FAM81B: variants seen among roughly 807,000 people sequenced by gnomAD.
FAM81B encodes family with sequence similarity 81 member B.
In FAM81B, 60 loss-of-function variants were observed where a neutral mutation model predicts 58.7. The observed-to-expected ratio is 1.02, with a 90% CI of 0.83 to 1.27. The LOEUF (loss-of-function observed/expected upper bound fraction) is 1.27. FAM81B is among the 50% of genes most tolerant of loss of function. The pLI is 0.00. For missense variants in FAM81B, 491 were observed against 522.0 expected (o/e 0.94, Z 0.58); for synonymous variants, 189 against 179.6 (o/e 1.05, Z -0.42).
chr5:95,426,771 G>A (rs955288017), intron 5 of FAM81B, among the ~76,000 whole-genome samples: 1 of 152,124 alleles, frequency 6.6e-6, no homozygotes, highest in African/African-American at 2.4e-5. Flanking sequence ...GTCCCAGGCC[G>A]GGCGCGGTGG....
intron 5 of FAM81B, among the ~76,000 whole-genome samples, chr5:95,426,966 G>A (rs1296037483): frequency 2.0e-5 from 3 of 152,116 alleles, no homozygotes; most frequent in Admixed American, 6.5e-5. Context: ...GGAGAATGGC[G>A]TGAACCTGGG....
chr5:95,446,819 T>A, intron 8 of FAM81B, 122 bp downstream of exon 8: 1 of 1,280,820 alleles, frequency 7.8e-7, no homozygotes, highest in Non-Finnish European at 1.1e-6. Context: ...TAACTTTTTT[T>A]TTTTTAAACA....
At chr5:95,402,545 A>G (rs1292819567) in intron 3 of FAM81B, among the ~76,000 whole-genome samples, 1 of 152,202 alleles carries the variant, frequency 6.6e-6, no homozygotes, top group African/African-American at 2.4e-5. Flanking sequence ...ACAGTCCAGC[A>G]TTTGCATCCC....
intron 7 of FAM81B, among the ~76,000 whole-genome samples, chr5:95,437,776 TTC>T (rs1491019865): frequency 6.6e-6 from 1 of 152,018 alleles, no homozygotes; most frequent in African/African-American, 2.4e-5. Context: ...CTCCCTTTTT[TTC>T]TTTTTTTAAA....
chr5:95,406,080 A>G (rs1484607769), intron 3 of FAM81B: 2 of 154,306 alleles, frequency 1.3e-5, no homozygotes, highest in African/African-American at 4.8e-5. Context: ...GAAGAAGAGC[A>G]GACTTATGTT....
Position 95,429,556 on chromosome 5 carries a change from TTACTC to T in FAM81B, c.786+827_786+831del, listed in dbSNP as rs760230442. Among the ~76,000 whole-genome samples, 2 of 152,290 alleles carry T rather than the reference TTACTC, an allele frequency of 1.3e-5. 1 individual carries two copies. Among genetic ancestry groups the T allele is most frequent in the Non-Finnish European group, 2.9e-5 (2 of 68,008 alleles). ...GAGCAGGTGTTACTGAGCACATAGT[TTACTC>T]TAGTCCCATCTGGCTCTCCTTATCT... On this transcript the variant is annotated intron_variant, in intron 6 of 9. Coordinates refer to ENST00000283357, the MANE Select transcript of FAM81B (RefSeq NM_152548.3).
chr5:95,435,550 A>C (rs1745066674), intron 6 of FAM81B, among the ~76,000 whole-genome samples: 1 of 152,178 alleles, frequency 6.6e-6, no homozygotes, highest in Non-Finnish European at 1.5e-5. Flanking sequence ...ATCATTATTT[A>C]TATTTTACTT....
At chr5:95,439,160 GTAT>G (rs1288536613) in intron 7 of FAM81B, among the ~76,000 whole-genome samples, 1 of 145,064 alleles carries the variant, frequency 6.9e-6, no homozygotes, top group Admixed American at 6.9e-5. Flanking sequence ...AACAAAAAAA[GTAT>G]TATGTGTATA....
At chr5:95,431,265 CA>C (rs1744876984) in intron 6 of FAM81B, among the ~76,000 whole-genome samples, 1 of 152,064 alleles carries the variant, frequency 6.6e-6, no homozygotes, top group Non-Finnish European at 1.5e-5. Flanking sequence ...AAGAATTCTT[CA>C]TATCTCTTCA....
intron 6 of FAM81B, among the ~76,000 whole-genome samples, chr5:95,434,378 T>A (rs1745019967): frequency 6.6e-6 from 1 of 152,178 alleles, no homozygotes; most frequent in Non-Finnish European, 1.5e-5. Flanking sequence ...ATGTGGCCTT[T>A]CTCCAGCAAC....
At chr5:95,425,127 A>G (rs1762789011) in intron 5 of FAM81B, among the ~76,000 whole-genome samples, 1 of 152,016 alleles carries the variant, frequency 6.6e-6, no homozygotes, top group South Asian at 2.1e-4. Context: ...AACTCATCCA[A>G]TATAGAACTA....
At chr5:95,431,444 G>GT (rs1330548332) in intron 6 of FAM81B, among the ~76,000 whole-genome samples, 1 of 151,824 alleles carries the variant, frequency 6.6e-6, no homozygotes, top group Non-Finnish European at 1.5e-5. Context: ...GGTATAATTA[G>GT]TTGTTTTTGC....
chr5:95,428,422 T>C (rs1453610615), intron 5 of FAM81B, among the ~76,000 whole-genome samples, 181 bp from the exon 6 acceptor site: 3 of 152,200 alleles, frequency 2.0e-5, no homozygotes, highest in Non-Finnish European at 4.4e-5. Context: ...CTGGTTTCTC[T>C]CTCATCAGAA....
Position 95,420,503 on chromosome 5 carries a change from C to T in FAM81B, c.656+101C>T, listed in dbSNP as rs1762650512. 16 of 1,502,552 alleles carry T rather than the reference C, an allele frequency of 1.1e-5. No individual in the cohort carries two copies. In the Admixed American group the frequency reaches 1.5e-4, roughly 14 times the overall value. 93.1% of individuals were successfully genotyped at this position (1,502,552 alleles called of 1,614,324 possible). A position where few individuals can be genotyped will look rare whatever the true frequency, so the allele number is the denominator to read the frequency against. ...TGCTGTGGAAAAAAGATATTGTCTA[C>T]ACATTAAGCTAAACTAATGAGATGG... On this transcript the variant is annotated intron_variant, in intron 5 of 9. Coordinates refer to ENST00000283357, the MANE Select transcript of FAM81B (RefSeq NM_152548.3).
chr5:95,448,040 G>A (rs1214720360), intron 8 of FAM81B, among the ~76,000 whole-genome samples: 1 of 152,094 alleles, frequency 6.6e-6, no homozygotes, highest in Non-Finnish European at 1.5e-5. Context: ...TTTGGGCCAC[G>A]CTACAGCCCT....
chr5:95,440,316 G>A (rs745477554), intron 7 of FAM81B: 6 of 984,580 alleles, frequency 6.1e-6, no homozygotes, highest in Non-Finnish European at 9.5e-6. Context: ...AACTAAAAAT[G>A]CAGAACCATT....
chr5:95,391,628 G>A, intron 1 of FAM81B, 115 bp downstream of exon 1: 2 of 1,190,562 alleles, frequency 1.7e-6, no homozygotes, highest in Non-Finnish European at 2.3e-6. Context: ...AGAAGGCTTG[G>A]GCACAACAGA....
rs781151801 is a variant in FAM81B, at chr5:95,414,150, C to A, written c.497C>A (p.Thr166Asn). 1 of 1,613,932 alleles carries A rather than the reference C, an allele frequency of 6.2e-7. No individual in the cohort carries two copies. The highest frequency in any genetic ancestry group is 1.7e-5 in the Admixed American group (1 of 59,992). Reference protein sequence around the residue: ...ARKLLESHIQTITSIVKKLSQ... With the variant: ...ARKLLESHIQNITSIVKKLSQ... ...AAGTTACTGGAAAGCCACATCCAGA[C>A]CATCACCAGCATCGTCAAAAAACTC... is the stretch of plus-strand genomic sequence containing the variant. Residue 166 changes from threonine (T) to asparagine (N), a missense_variant, in exon 4 of 10, where the codon ACC (threonine) becomes AAC (asparagine). By Grantham distance (65) the Thr-to-Asn change is moderately conservative. Transcript: ENST00000283357.
At chr5:95,403,910 A>G (rs1762176850) in intron 3 of FAM81B, among the ~76,000 whole-genome samples, 1 of 152,304 alleles carries the variant, frequency 6.6e-6, no homozygotes, top group Middle Eastern at 3.4e-3. Context: ...TCAGAAGGAC[A>G]TGGGGGACAG....
Sources: gnomAD v4.1 joint callset for allele counts (sites outside exome capture counted in the v4.1 genomes callset) on GRCh38, gnomAD v4.1.1 for gene constraint, MANE v1.5 for transcripts, NCBI Gene and HGNC (gene_info 2026-07-23, HGNC 2026-07-21) for gene names.